Variants in ACOT1 observed in about 807,000 individuals in gnomAD.
The protein encoded by ACOT1 is acyl-CoA thioesterase 1, also known as acyl-coenzyme A thioesterase 1.
ACOT1 carries 8 observed loss-of-function variants against 15.7 expected under a neutral mutation model. That is an observed-to-expected ratio of 0.51 (90% CI 0.30 to 0.92). The LOEUF is 0.92. ACOT1 is among the 40% of genes least tolerant of loss of function. The pLI, the probability that ACOT1 is intolerant of heterozygous loss-of-function variation, is 0.06. For synonymous variants in ACOT1, 67 were observed against 241.2 expected, an observed-to-expected ratio of 0.28 and a Z score of 6.69; for missense variants, 151 against 539.4, an observed-to-expected ratio of 0.28 and a Z score of 7.13.
chr14:73,523,111 G>A, the ACOT1 span: 1 of 1,608,454 alleles, frequency 6.2e-7, no homozygotes, highest in East Asian at 2.2e-5. Flanking sequence ...ACTGATAGAA[G>A]CAATGGGGGA....
chr14:73,518,065 G>A, the ACOT1 span, among the ~76,000 whole-genome samples: 4 of 152,078 alleles, frequency 2.6e-5, no homozygotes, highest in Non-Finnish European at 4.4e-5. Flanking sequence ...CAGCCTGGGC[G>A]ACAGAGCGAG....
chr14:73,528,749 T>C, the ACOT1 span, among the ~76,000 whole-genome samples: 1 of 152,132 alleles, frequency 6.6e-6, no homozygotes, highest in Non-Finnish European at 1.5e-5. Flanking sequence ...CTAAAATATA[T>C]GTGTGAGGAA....
At chr14:73,525,321 C>T in the ACOT1 span, among the ~76,000 whole-genome samples, 4 of 152,206 alleles carry the variant, frequency 2.6e-5, no homozygotes, top group African/African-American at 9.7e-5. Flanking sequence ...GTGTGAGCTA[C>T]AGCACTCAGC....
the ACOT1 span, chr14:73,500,453 G>A: frequency 5.4e-6 from 7 of 1,293,664 alleles, no homozygotes; most frequent in African/African-American, 1.0e-4. Context: ...CTCATTCTGT[G>A]TCCCCACAGA....
chr14:73,522,045 C>T, the ACOT1 span, among the ~76,000 whole-genome samples: 2 of 152,206 alleles, frequency 1.3e-5, no homozygotes, highest in Non-Finnish European at 2.9e-5. Context: ...GCTTGCATCC[C>T]ATAATGAACA....
the ACOT1 span, among the ~76,000 whole-genome samples, chr14:73,497,202 G>A: frequency 3.3e-5 from 5 of 151,620 alleles, no homozygotes; most frequent in East Asian, 3.9e-4. Context: ...GGCCATGCCC[G>A]TCTAATTTTT....
chr14:73,515,211 G>A, the ACOT1 span, among the ~76,000 whole-genome samples: 5 of 152,054 alleles, frequency 3.3e-5, no homozygotes, highest in African/African-American at 4.8e-5. Context: ...ATTTCCAGAT[G>A]TACTAAATTC....
the ACOT1 span, chr14:73,512,068 A>C: frequency 1.9e-3 from 3,097 of 1,614,122 alleles, 80 homozygotes; most frequent in Admixed American, 0.046. Flanking sequence ...ACATGTGGTG[A>C]TAGCTTTGAT....
At chr14:73,492,618 A>T in the ACOT1 span, 1 of 1,613,914 alleles carries the variant, frequency 6.2e-7, no homozygotes, top group African/African-American at 1.3e-5. The surrounding 1 kb of genome is among the most constrained non-coding windows in gnomAD (Gnocchi z 4.9). Context: ...GAGGCTGGAG[A>T]ACCTGTAAAC....
the ACOT1 span, chr14:73,500,703 C>T: frequency 6.2e-7 from 1 of 1,614,044 alleles, no homozygotes; most frequent in Non-Finnish European, 8.5e-7. Context: ...CCACACGCTC[C>T]TGGGAATTTC....
the ACOT1 span, chr14:73,502,751 G>A: frequency 2.9e-6 from 2 of 679,876 alleles, no homozygotes; most frequent in Admixed American, 2.2e-5. Flanking sequence ...GTTTTACTGT[G>A]TTAGCCAGGA....
the ACOT1 span, among the ~76,000 whole-genome samples, chr14:73,508,692 T>C: frequency 2.9e-5 from 4 of 138,412 alleles, no homozygotes; most frequent in Admixed American, 1.7e-4. Flanking sequence ...GAGGTTGCAG[T>C]GTGAGCTGAG....
the ACOT1 span, among the ~76,000 whole-genome samples, chr14:73,529,539 C>G: frequency 6.6e-6 from 1 of 151,918 alleles, no homozygotes; most frequent in Non-Finnish European, 1.5e-5. Flanking sequence ...AGATCCCCAA[C>G]TAGAAAATGT....
chr14:73,524,310 A>ATAT, the ACOT1 span, among the ~76,000 whole-genome samples: 167 of 54,740 alleles, frequency 3.1e-3, no homozygotes, highest in East Asian at 9.5e-3. Context: ...AAAAAAAAAA[A>ATAT]ATATATATAT....
upstream of ACOT1, among the ~76,000 whole-genome samples, chr14:73,535,129 C>A (rs1445608170): frequency 1.7e-5 from 2 of 114,594 alleles, 1 homozygote; most frequent in Non-Finnish European, 3.8e-5. Context: ...CTGGTAAAAC[C>A]AAATTTATAT....
At chr14:73,513,728 C>CAAA in the ACOT1 span, among the ~76,000 whole-genome samples, 4,332 of 46,758 alleles carry the variant, frequency 0.093, 937 homozygotes, top group Middle Eastern at 0.18. Flanking sequence ...ACTACGTCTC[C>CAAA]AAAAAAAAAA....
chr14:73,512,405 C>T, the ACOT1 span, among the ~76,000 whole-genome samples: 1,614 of 152,234 alleles, frequency 0.011, 39 homozygotes, highest in African/African-American at 0.035. Flanking sequence ...AATCACTTTT[C>T]GTTGTAACCA....
the ACOT1 span, among the ~76,000 whole-genome samples, chr14:73,497,102 G>A: frequency 1.3e-5 from 2 of 152,208 alleles, no homozygotes; most frequent in Admixed American, 6.5e-5. Context: ...CACCATGTTG[G>A]CCAGGCTGGT....
the ACOT1 span, chr14:73,491,338 G>C: frequency 6.9e-7 from 1 of 1,450,708 alleles, no homozygotes; most frequent in Non-Finnish European, 9.1e-7. Context: ...AGCTGCTGGA[G>C]GCCTCGCCCG....
Sources: gnomAD v4.1 joint callset for allele counts (sites outside exome capture counted in the v4.1 genomes callset) on GRCh38, gnomAD v4.1.1 for gene constraint, Gnocchi (gnomAD v3.1) non-coding constraint, MANE v1.5 for transcripts, NCBI Gene and HGNC (gene_info 2026-07-23, HGNC 2026-07-21) for gene names.